The following HTRA1 variants were observed in gnomAD, a reference collection of about 807,000 sequenced individuals.
HTRA1 encodes the protein serine protease HTRA1.
In HTRA1, 26 loss-of-function variants were observed where a neutral mutation model predicts 49.7. The ratio of observed to expected loss-of-function variants is 0.52; its 90% CI spans 0.38 to 0.73. The LOEUF (loss-of-function observed/expected upper bound fraction) is 0.73, where lower values mean the gene tolerates loss of function less well. Ranked by LOEUF, HTRA1 falls within the 30% of genes least tolerant of loss-of-function variation. HTRA1 has a pLI of 0.00. For synonymous variants in HTRA1, 291 were observed against 286.9 expected, an observed-to-expected ratio of 1.01 and a Z score of -0.14; for missense variants, 561 against 667.2, an observed-to-expected ratio of 0.84 and a Z score of 1.75.
chr10:122,500,988 G>A (rs768620645), intron 3 of HTRA1, among the ~76,000 whole-genome samples: 4 of 152,142 alleles, frequency 2.6e-5, no homozygotes, highest in Admixed American at 6.5e-5. Context: ...CTGTTTCCCC[G>A]CTGACCTCTG....
chr10:122,479,575 T>C (rs1172279701), intron 1 of HTRA1, among the ~76,000 whole-genome samples: 1 of 152,044 alleles, frequency 6.6e-6, no homozygotes, highest in African/African-American at 2.4e-5. Context: ...ATTGCTAACA[T>C]TGAAGGTTGG....
chr10:122,507,864 TA>T (rs1375532236), intron 5 of HTRA1, among the ~76,000 whole-genome samples: 4 of 152,106 alleles, frequency 2.6e-5, no homozygotes, highest in African/African-American at 4.8e-5. Flanking sequence ...GAGGAGGAGT[TA>T]CCCACCCACA....
intron 2 of HTRA1, 47 bp from the exon 3 acceptor site, chr10:122,489,375 C>A (rs767814831): frequency 1.3e-6 from 2 of 1,539,836 alleles, no homozygotes; most frequent in South Asian, 1.1e-5. Context: ...TTGAAGCGTT[C>A]ATTTTAAGGT....
chr10:122,500,641 C>T (rs1429610989), intron 3 of HTRA1, among the ~76,000 whole-genome samples: 1 of 152,138 alleles, frequency 6.6e-6, no homozygotes, highest in Non-Finnish European at 1.5e-5. Context: ...TATGCATATA[C>T]ACATAGGTGT....
chr10:122,475,373 G>T (rs1055655521), intron 1 of HTRA1, among the ~76,000 whole-genome samples: 3 of 152,170 alleles, frequency 2.0e-5, no homozygotes, highest in Non-Finnish European at 4.4e-5. Context: ...GCAAGTCGAG[G>T]CCAGGCTCCC....
chr10:122,461,632 G>GCCA lies in HTRA1; in HGVS notation c.-19_-18insACC. On this transcript the variant is annotated 5_prime_UTR_variant, in exon 1 of 9. Transcript: ENST00000368984. The stretch of plus-strand genomic sequence containing the variant: ...GGCCCTCGCCCTGTCCGCCGCCACC[G>GCCA]CCGCCGCCGCCAGAGTCGCCATGCA... 1 of 1,182,914 alleles carries GCCA rather than the reference G, an allele frequency of 8.5e-7. No homozygotes were observed. Among genetic ancestry groups the GCCA allele is most frequent in the Non-Finnish European group, 1.1e-6 (1 of 914,870 alleles). 73.3% of individuals were successfully genotyped at this position (1,182,914 alleles called of 1,614,324 possible).
Position 122,494,248 on chromosome 10 carries a change from CTCA to C in HTRA1, c.777+4623_777+4625del, listed in dbSNP as rs1420442569. On this transcript the variant is annotated intron_variant, in intron 3 of 8. Transcript: ENST00000368984. This position sits in a 1 kb window ranked among gnomAD's most constrained non-coding sequence, Gnocchi z 4.0. ...TTGGGGGCACATCCGGCTGTCGGTC[CTCA>C]GGTAGGAGGTGCTTGGCAACCTTGT... Among the ~76,000 whole-genome samples, 3 of 152,180 alleles carry C rather than the reference CTCA, an allele frequency of 2.0e-5. No homozygotes were observed. The highest frequency in any genetic ancestry group is 4.4e-5 in the Non-Finnish European group (3 of 68,040).
chr10:122,511,360 C>T (rs141229669), intron 7 of HTRA1, among the ~76,000 whole-genome samples: 253 of 152,240 alleles, frequency 1.7e-3, no homozygotes, highest in African/African-American at 5.5e-3. Flanking sequence ...AGCAAATGGC[C>T]GAGCTAGGGC....
chr10:122,489,360 A>G (rs2097494639), intron 2 of HTRA1, 62 bp from the exon 3 acceptor site: 1 of 1,435,238 alleles, frequency 7.0e-7, no homozygotes, highest in South Asian at 1.1e-5. Flanking sequence ...CCATTAATCA[A>G]TGCGTTGAAG....
intron 1 of HTRA1, among the ~76,000 whole-genome samples, chr10:122,476,547 A>G (rs929269060): frequency 6.6e-6 from 1 of 152,110 alleles, no homozygotes; most frequent in African/African-American, 2.4e-5. Flanking sequence ...GGGACCCTGC[A>G]TTTAGTGTAA....
At position 122,461,612 on chromosome 10, in the gene HTRA1, T is replaced by C; in HGVS notation, c.-41T>C. The C allele has an allele frequency of 1.6e-6, 2 of 1,233,200 alleles. No homozygotes were observed. The highest frequency in any genetic ancestry group is 2.8e-5 in the Admixed American group (1 of 35,304). 76.4% of individuals were successfully genotyped at this position (1,233,200 alleles called of 1,614,324 possible). A position where few individuals can be genotyped will look rare whatever the true frequency, so the allele number is the denominator to read the frequency against. On this transcript the variant is annotated 5_prime_UTR_variant, in exon 1 of 9. Coordinates refer to ENST00000368984, the MANE Select transcript of HTRA1 (RefSeq NM_002775.5). The stretch of plus-strand genomic sequence containing the variant: ...TCTCCCCGGCGCCGCTCTCCGGCCC[T>C]CGCCCTGTCCGCCGCCACCGCCGCC...
Position 122,514,306 on chromosome 10 carries a change from A to G in HTRA1, c.1390A>G (p.Arg464Gly). 3 of 1,614,190 alleles carry G rather than the reference A, an allele frequency of 1.9e-6. No homozygotes were observed. Among genetic ancestry groups the G allele is most frequent in the South Asian group, 1.1e-5 (1 of 91,084 alleles). ...RESTLNMVVR[R>G]GNEDIMITVI... is the part of the protein sequence containing the mutation. Reference sequence around the variant, plus strand: ...AAGCACCCTGAACATGGTGGTCCGCAGGGGTAATGAAGATATCATGATCAC... The same window carrying G: ...AAGCACCCTGAACATGGTGGTCCGCGGGGGTAATGAAGATATCATGATCAC... The change falls in exon 9 of 9, where the codon AGG (arginine) becomes GGG (glycine). Residue 464 changes from arginine to glycine, a missense_variant. Physicochemically the swap from Arg to Gly is moderately radical, Grantham distance 125. Coordinates refer to ENST00000368984, the MANE Select transcript of HTRA1 (RefSeq NM_002775.5).
chr10:122,488,659 G>A (rs551428666), intron 1 of HTRA1, among the ~76,000 whole-genome samples: 41 of 152,304 alleles, frequency 2.7e-4, no homozygotes, highest in Non-Finnish European at 4.7e-4. Context: ...TCTGCTCAAC[G>A]TTTTTGTGGT....
At chr10:122,467,549 G>T (rs571975121) in intron 1 of HTRA1, among the ~76,000 whole-genome samples, 1 of 152,078 alleles carries the variant, frequency 6.6e-6, no homozygotes, top group Non-Finnish European at 1.5e-5. Context: ...GGCTGGCATC[G>T]AATAGATGTG....
rs548277150 is a variant in HTRA1, at chr10:122,510,260, T to C, written c.1178+107T>C. 48 of 862,358 alleles carry C rather than the reference T, an allele frequency of 5.6e-5. No individual in the cohort carries two copies. The South Asian group carries it at 5.8e-4, about 10-fold the overall frequency. 53.4% of individuals were successfully genotyped at this position (862,358 alleles called of 1,614,324 possible). A position where few individuals can be genotyped will look rare whatever the true frequency, so the allele number is the denominator to read the frequency against. Reference sequence around the variant, plus strand: ...AGAAACCTTATGCTGCCTTAAGACGTCTCAGTTTCTGCTTATAATGAAGTA... The same window carrying C: ...AGAAACCTTATGCTGCCTTAAGACGCCTCAGTTTCTGCTTATAATGAAGTA... On this transcript the variant is annotated intron_variant, in intron 7 of 8. Coordinates refer to ENST00000368984, the MANE Select transcript of HTRA1 (RefSeq NM_002775.5).
At chr10:122,492,640 G>A (rs1048223968) in intron 3 of HTRA1, among the ~76,000 whole-genome samples, 10 of 152,148 alleles carry the variant, frequency 6.6e-5, no homozygotes, top group African/African-American at 9.7e-5. Context: ...GGCTGTAAAC[G>A]TGATATTCTT....
intron 3 of HTRA1, among the ~76,000 whole-genome samples, chr10:122,498,238 T>C (rs1414901620): frequency 6.6e-6 from 1 of 152,164 alleles, no homozygotes; most frequent in Non-Finnish European, 1.5e-5. Context: ...CTCTCCCACC[T>C]GAACCCCTTC....
rs1565434903 is a variant in HTRA1 at position 122,507,961 on chromosome 10, C to CCGGGGCCG, written c.1005+559_1005+560insCGGGGCCG. On this transcript the variant is annotated intron_variant, in intron 5 of 8. Transcript: ENST00000368984. ...AGACCAGCAGAGCTAGAGGGCAGCT[C>CCGGGGCCG]TGGGGCCATTTATAGAGGGCAGCTC... 4.3e-3 allele frequency among the ~76,000 whole-genome samples: 655 copies of CCGGGGCCG among 151,896 alleles called. 13 individuals carry two copies. The highest frequency in any genetic ancestry group is 0.015 in the African/African-American group (623 of 41,398).
chr10:122,473,792 A>G (rs1053006880), intron 1 of HTRA1, among the ~76,000 whole-genome samples: 4 of 152,152 alleles, frequency 2.6e-5, no homozygotes, highest in Non-Finnish European at 5.9e-5. Flanking sequence ...ATTTCTATGA[A>G]TTTGCTTATT....
Sources: gnomAD v4.1 joint callset for allele counts (sites outside exome capture counted in the v4.1 genomes callset) on GRCh38, gnomAD v4.1.1 for gene constraint, Gnocchi (gnomAD v3.1) non-coding constraint, MANE v1.5 for transcripts, NCBI Gene and HGNC (gene_info 2026-07-23, HGNC 2026-07-21) for gene names.